SLC38A4: variants seen among roughly 807,000 people sequenced by gnomAD.
SLC38A4 encodes solute carrier family 38 member 4.
In SLC38A4, 20 loss-of-function variants were observed where a neutral mutation model predicts 63.1. The ratio of observed to expected loss-of-function variants is 0.32; its 90% confidence interval spans 0.22 to 0.46. The LOEUF is 0.46. Among genes scored for constraint, SLC38A4 ranks in the 20% least tolerant of loss-of-function variants. The probability of loss-of-function intolerance (pLI) is 1.00; values close to 1 mark genes in which losing one functional copy is unlikely to be tolerated. For synonymous variants in SLC38A4, 230 were observed against 225.5 expected, an observed-to-expected ratio of 1.02 and a Z score of -0.18; for missense variants, 526 against 663.6, an observed-to-expected ratio of 0.79 and a Z score of 2.28.
intron 1 of SLC38A4, among the ~76,000 whole-genome samples, chr12:46,812,225 A>G (rs376119978): frequency 6.6e-6 from 1 of 152,082 alleles, no homozygotes; most frequent in Non-Finnish European, 1.5e-5. Context: ...TAAGATAATC[A>G]TATTGACTTA....
chr12:46,830,271 G>A (rs1337062604), upstream of SLC38A4, among the ~76,000 whole-genome samples: 1 of 149,330 alleles, frequency 6.7e-6, no homozygotes, highest in Non-Finnish European at 1.5e-5. Context: ...TTATTTGTTA[G>A]AATTTAAGAA....
chr12:46,798,504 C>T (rs1939062571), intron 2 of SLC38A4, among the ~76,000 whole-genome samples: 1 of 152,120 alleles, frequency 6.6e-6, no homozygotes. Context: ...TCATAGTATC[C>T]AACTTAGTCT....
chr12:46,806,802 C>T (rs956144700), intron 1 of SLC38A4, among the ~76,000 whole-genome samples: 2 of 151,720 alleles, frequency 1.3e-5, no homozygotes, highest in African/African-American at 2.4e-5. Flanking sequence ...AATGTACATC[C>T]CAATGTAATG....
intron 1 of SLC38A4, among the ~76,000 whole-genome samples, chr12:46,809,134 G>C (rs1412986802): frequency 6.6e-6 from 1 of 151,860 alleles, no homozygotes; most frequent in Non-Finnish European, 1.5e-5. Flanking sequence ...CTTAAATTTG[G>C]ACTTTCGGTA....
chr12:46,794,378 C>T (rs1478815297), intron 2 of SLC38A4, among the ~76,000 whole-genome samples: 1 of 151,776 alleles, frequency 6.6e-6, no homozygotes, highest in Non-Finnish European at 1.5e-5. Flanking sequence ...TAAGGAACTA[C>T]AAATAACAAA....
rs1425496055 is a variant in SLC38A4 at position 46,768,300 on chromosome 12, G to A, written c.1542+10C>T. On this transcript the variant is annotated intron_variant, in intron 16 of 16. Transcript: ENST00000266579. Reference sequence around the variant, plus strand: ...AACTAATAATGGGGGAAATTGCAAGGTTTACTTACCCCGACCTTTTGGGGT... The same window carrying A: ...AACTAATAATGGGGGAAATTGCAAGATTTACTTACCCCGACCTTTTGGGGT... The A allele has an allele frequency of 6.3e-7, 1 of 1,591,160 alleles. No homozygotes were observed. The highest frequency in any genetic ancestry group is 1.7e-5 in the Admixed American group (1 of 59,094).
At chr12:46,800,432 G>C (rs556050677) in intron 2 of SLC38A4, among the ~76,000 whole-genome samples, 1 of 152,004 alleles carries the variant, frequency 6.6e-6, no homozygotes, top group African/African-American at 2.4e-5. Flanking sequence ...AATATATTAG[G>C]CTTCTTTCAT....
upstream of SLC38A4, among the ~76,000 whole-genome samples, chr12:46,829,640 T>C (rs1262575523): frequency 6.6e-6 from 1 of 152,114 alleles, no homozygotes; most frequent in Non-Finnish European, 1.5e-5. Flanking sequence ...ATGTCACTTA[T>C]ATAGAAAAAA....
intron 13 of SLC38A4, among the ~76,000 whole-genome samples, chr12:46,776,244 T>G (rs937944311): frequency 3.9e-5 from 6 of 152,028 alleles, no homozygotes; most frequent in Admixed American, 3.9e-4. Flanking sequence ...TGGCCACACT[T>G]CATGGAAGGA....
At chr12:46,798,999 T>G (rs1253505834) in intron 2 of SLC38A4, among the ~76,000 whole-genome samples, 1 of 152,182 alleles carries the variant, frequency 6.6e-6, no homozygotes, top group Non-Finnish European at 1.5e-5. Flanking sequence ...CCATTTTCTA[T>G]GAAATGAAGT....
chr12:46,792,531 T>C (rs934886696), intron 3 of SLC38A4, among the ~76,000 whole-genome samples: 2 of 152,020 alleles, frequency 1.3e-5, no homozygotes, highest in African/African-American at 2.4e-5. Flanking sequence ...TGAAATTCAG[T>C]AGAGAAACTT....
chr12:46,786,629 A>G lies in SLC38A4; in HGVS notation c.326+1287T>C, dbSNP rs568626834. Among the ~76,000 whole-genome samples the G allele has an allele frequency of 9.2e-5, 14 of 152,272 alleles. No individual in the cohort carries two copies. In the East Asian group the frequency reaches 2.7e-3, roughly 29 times the overall value. On this transcript the variant is annotated intron_variant, in intron 5 of 16. Coordinates refer to ENST00000266579, the MANE Select transcript of SLC38A4 (RefSeq NM_018018.5). ...GTAAGCACATTACAAAAGCATACAAATATATGACTACATACATAGCTATTA... is the reference window on the plus strand; with the variant it reads ...GTAAGCACATTACAAAAGCATACAAGTATATGACTACATACATAGCTATTA...
intron 2 of SLC38A4, among the ~76,000 whole-genome samples, chr12:46,793,689 A>T (rs185343473): frequency 1.6e-3 from 244 of 152,312 alleles, no homozygotes; most frequent in Middle Eastern, 3.4e-3. Flanking sequence ...ATAATATGCA[A>T]CATAGGTGAG....
rs186044189 is a variant in SLC38A4 at position 46,786,480 on chromosome 12, G to A, written c.327-1303C>T. 1.6e-3 allele frequency among the ~76,000 whole-genome samples: 246 copies of A among 152,136 alleles called. 1 individual carries two copies. Among genetic ancestry groups the A allele is most frequent in the Admixed American group, 3.7e-3 (57 of 15,256 alleles). ...TGGAACATTCTTCTCTCATGAAGAT[G>A]ATCTATGACTGTGGGATTGGGGGAA... On this transcript the variant is annotated intron_variant, in intron 5 of 16. Coordinates refer to ENST00000266579, the MANE Select transcript of SLC38A4 (RefSeq NM_018018.5).
chr12:46,797,251 T>A (rs749064466), intron 2 of SLC38A4, among the ~76,000 whole-genome samples: 3 of 151,978 alleles, frequency 2.0e-5, no homozygotes, highest in Admixed American at 6.6e-5. Context: ...TCTGTGAGGG[T>A]GTTTCTGGAA....
intron 1 of SLC38A4, among the ~76,000 whole-genome samples, chr12:46,831,001 CCTAA>C (rs1939724170): frequency 6.6e-6 from 1 of 152,222 alleles, no homozygotes; most frequent in East Asian, 1.9e-4. Context: ...CCCTGAGTTT[CCTAA>C]CTTAGTTCAC....
At chr12:46,827,414 T>C (rs1185069544), upstream of SLC38A4, among the ~76,000 whole-genome samples, 1 of 152,206 alleles carries the variant, frequency 6.6e-6, no homozygotes, top group Non-Finnish European at 1.5e-5. Context: ...ACCTCTGAGC[T>C]TGGAATAAAA....
In SLC38A4 at chr12:46,798,474, G is replaced by A. The variant is rs546516525; in HGVS notation, c.-113+5129C>T. Among the ~76,000 whole-genome samples the A allele has an allele frequency of 1.8e-4, 27 of 152,204 alleles. No homozygotes were observed. The East Asian group carries it at 3.7e-3, about 21-fold the overall frequency. Reference sequence around the variant, plus strand: ...ATCCTTAATTTATCCAGCCCCTCTAGGGGGCCATAGCAGTGTCTTTCATAG... The same window carrying A: ...ATCCTTAATTTATCCAGCCCCTCTAAGGGGCCATAGCAGTGTCTTTCATAG... On this transcript the variant is annotated intron_variant, in intron 2 of 16. Coordinates refer to ENST00000266579, the MANE Select transcript of SLC38A4 (RefSeq NM_018018.5).
At chr12:46,776,772 G>T (rs1021349274) in intron 13 of SLC38A4, 132 bp downstream of exon 13, 3 of 696,054 alleles carry the variant, frequency 4.3e-6, no homozygotes, top group Non-Finnish European at 4.9e-6. Context: ...AACTAAAATA[G>T]TATATTAATT....
Sources: gnomAD v4.1 joint callset for allele counts (sites outside exome capture counted in the v4.1 genomes callset) on GRCh38, gnomAD v4.1.1 for gene constraint, MANE v1.5 for transcripts, NCBI Gene and HGNC (gene_info 2026-07-23, HGNC 2026-07-21) for gene names.